Variants in C12orf54 observed in about 807,000 individuals in gnomAD.
C12orf54 encodes uncharacterized protein C12orf54.
In C12orf54, 24 loss-of-function variants were observed where a neutral mutation model predicts 26.4. That is an observed-to-expected ratio of 0.91 (90% CI 0.66 to 1.28). The LOEUF is 1.28. Ranked by LOEUF, C12orf54 falls within the 50% of genes most tolerant of loss-of-function variation. C12orf54 has a pLI of 0.00. For missense variants in C12orf54, 154 were observed against 150.9 expected (o/e 1.02, Z -0.11); for synonymous variants, 54 against 47.0 (o/e 1.15, Z -0.61).
chr12:48,474,569 A>T, the C12orf54 span, among the ~76,000 whole-genome samples: 168 of 152,156 alleles, frequency 1.1e-3, no homozygotes, highest in African/African-American at 3.8e-3. Context: ...CAATGGGCTT[A>T]AAAAAAGCAC....
chr12:48,492,297 G>A (rs180933541), intron 6 of C12orf54, among the ~76,000 whole-genome samples: 1 of 152,302 alleles, frequency 6.6e-6, no homozygotes, highest in East Asian at 1.9e-4. Context: ...CTCCACTCCA[G>A]AACTAGGAAC....
intron 3 of C12orf54, 112 bp from the exon 4 acceptor site, chr12:48,486,576 G>A: frequency 8.8e-7 from 1 of 1,141,972 alleles, no homozygotes; most frequent in Non-Finnish European, 1.3e-6. Context: ...GATTTTGGGT[G>A]TCCAGCTCAA....
intron 7 of C12orf54, among the ~76,000 whole-genome samples, chr12:48,493,654 G>T (rs1184923327): frequency 3.6e-5 from 3 of 83,216 alleles, no homozygotes; most frequent in African/African-American, 1.4e-4. Context: ...AAAGGGATCC[G>T]GGACTTAGAA....
At chr12:48,466,460 G>T in the C12orf54 span, among the ~76,000 whole-genome samples, 4 of 151,912 alleles carry the variant, frequency 2.6e-5, no homozygotes, top group South Asian at 2.1e-4. Flanking sequence ...CAGGAGAATT[G>T]CTTGAACTGG....
chr12:48,449,309 C>T, the C12orf54 span, among the ~76,000 whole-genome samples: 4 of 152,206 alleles, frequency 2.6e-5, no homozygotes, highest in Admixed American at 1.3e-4. Context: ...GCAAATTTTC[C>T]CCCACAAAGG....
the C12orf54 span, among the ~76,000 whole-genome samples, chr12:48,459,153 CA>C: frequency 6.6e-6 from 1 of 152,208 alleles, no homozygotes; most frequent in Admixed American, 6.6e-5. Flanking sequence ...AGCTCTCCCT[CA>C]TTCTTATAAT....
chr12:48,493,254 G>T (rs932254546), intron 7 of C12orf54, among the ~76,000 whole-genome samples: 1 of 152,120 alleles, frequency 6.6e-6, no homozygotes, highest in African/African-American at 2.4e-5. Flanking sequence ...GAGATTGTAA[G>T]AAAGTTTCTT....
the C12orf54 span, among the ~76,000 whole-genome samples, chr12:48,448,467 A>C: frequency 6.6e-6 from 1 of 152,186 alleles, no homozygotes; most frequent in African/African-American, 2.4e-5. Flanking sequence ...AATTGTTATA[A>C]AGTGTCGCAT....
the C12orf54 span, among the ~76,000 whole-genome samples, chr12:48,435,866 C>G: frequency 6.6e-6 from 1 of 152,096 alleles, no homozygotes; most frequent in Admixed American, 6.6e-5. Flanking sequence ...AGCAAAATAA[C>G]CAGCTAACAT....
intron 2 of C12orf54, among the ~76,000 whole-genome samples, chr12:48,484,251 G>T (rs930108960): frequency 2.0e-5 from 3 of 152,210 alleles, no homozygotes; most frequent in Non-Finnish European, 4.4e-5. Flanking sequence ...TAAGCTGCCT[G>T]AAAGTGCTCA....
At chr12:48,441,286 C>T in the C12orf54 span, among the ~76,000 whole-genome samples, 1 of 152,096 alleles carries the variant, frequency 6.6e-6, no homozygotes, top group Admixed American at 6.5e-5. Context: ...CAGAGTGCTG[C>T]ATGCAAAAAG....
chr12:48,466,730 T>A, the C12orf54 span, among the ~76,000 whole-genome samples: 2 of 152,094 alleles, frequency 1.3e-5, no homozygotes, highest in Non-Finnish European at 2.9e-5. Context: ...ACACTGGTAG[T>A]AGGAATGTAA....
In C12orf54 at chr12:48,484,272, C is replaced by T. The variant is rs41335544; in HGVS notation, c.65+911C>T. ...GCCTGAAAGTGCTCAGAATGGTTAACTGGACCTCAAGCCTGAGACCCAGTG... is the reference window on the plus strand; with the variant it reads ...GCCTGAAAGTGCTCAGAATGGTTAATTGGACCTCAAGCCTGAGACCCAGTG... On this transcript the variant is annotated intron_variant, in intron 2 of 8. Coordinates refer to ENST00000548364, the MANE Select transcript of C12orf54 (RefSeq NM_152319.4). Among the ~76,000 whole-genome samples the T allele has an allele frequency of 3.1e-3, 477 of 152,332 alleles. 3 individuals carry two copies. The highest frequency in any genetic ancestry group is 0.011 in the African/African-American group (453 of 41,574).
chr12:48,421,922 A>G, the C12orf54 span, among the ~76,000 whole-genome samples: 2 of 152,210 alleles, frequency 1.3e-5, no homozygotes, highest in Admixed American at 1.3e-4. Flanking sequence ...TAAATTGTAT[A>G]TATTTGGTGT....
the C12orf54 span, among the ~76,000 whole-genome samples, chr12:48,461,210 T>TA: frequency 2.0e-4 from 30 of 151,742 alleles, no homozygotes; most frequent in Non-Finnish European, 4.3e-4. Flanking sequence ...GGTCAATTCA[T>TA]AAAAAAAGCA....
the C12orf54 span, among the ~76,000 whole-genome samples, chr12:48,459,455 G>A: frequency 2.0e-5 from 3 of 152,226 alleles, no homozygotes; most frequent in South Asian, 2.1e-4. Flanking sequence ...CAATGCTGAA[G>A]GATGAAGGAG....
At chr12:48,461,326 C>G in the C12orf54 span, among the ~76,000 whole-genome samples, 1 of 151,818 alleles carries the variant, frequency 6.6e-6, no homozygotes, top group Non-Finnish European at 1.5e-5. Flanking sequence ...ATAATTGATA[C>G]AAGTAGACCA....
the C12orf54 span, among the ~76,000 whole-genome samples, chr12:48,417,937 G>A: frequency 3.3e-5 from 5 of 152,238 alleles, no homozygotes; most frequent in South Asian, 8.3e-4. Context: ...TGGCTGCACA[G>A]TATTCCATGG....
chr12:48,488,998 A>G, intron 5 of C12orf54, 42 bp downstream of exon 5: 13 of 1,583,270 alleles, frequency 8.2e-6, no homozygotes, highest in South Asian at 5.5e-5. Context: ...CAGCCCCATC[A>G]TGTGCCTTGA....
Sources: gnomAD v4.1 joint callset for allele counts (sites outside exome capture counted in the v4.1 genomes callset) on GRCh38, gnomAD v4.1.1 for gene constraint, MANE v1.5 for transcripts, NCBI Gene and HGNC (gene_info 2026-07-23, HGNC 2026-07-21) for gene names.